C14orf93: variants seen among roughly 807,000 people sequenced by gnomAD.
C14orf93 encodes chromosome 14 open reading frame 93.
A neutral mutation model predicts 44.0 loss-of-function variants in C14orf93; 23 were observed. The observed-to-expected ratio is 0.52, with a 90% CI of 0.38 to 0.74. C14orf93 has a LOEUF of 0.74. Ranked by LOEUF, C14orf93 falls within the 30% of genes least tolerant of loss-of-function variation. The pLI is 0.00. For missense variants in C14orf93, 579 were observed against 678.9 expected (o/e 0.85, Z 1.64); for synonymous variants, 253 against 265.7 (o/e 0.95, Z 0.46).
chr14:22,995,913 C>T (rs2139582850), intron 3 of C14orf93, 35 bp downstream of exon 3: 1 of 1,526,986 alleles, frequency 6.5e-7, no homozygotes, highest in South Asian at 1.3e-5. Context: ...TCTCTCCAGA[C>T]TGAAGAAAAA....
intron 1 of C14orf93, among the ~76,000 whole-genome samples, chr14:23,004,339 G>A (rs2046520652): frequency 6.6e-6 from 1 of 151,340 alleles, no homozygotes; most frequent in African/African-American, 2.4e-5. Context: ...GCCTCCCGAA[G>A]AGCTGGGATT....
At position 22,996,027 on chromosome 14, in the gene C14orf93, AGAGAGTGTC is replaced by A; in HGVS notation, c.830_838del (p.Arg277_Leu280delinsIle). Reference sequence around the variant, plus strand: ...CCTGCATGGGGAAACGGTCAGCCCTAGAGAGTGTCTCAGCTCCCCAGTGCTCCCAGGGCC... The same window carrying A: ...CCTGCATGGGGAAACGGTCAGCCCTATCAGCTCCCCAGTGCTCCCAGGGCC... On this transcript the variant is annotated inframe_deletion, in exon 3 of 7. Coordinates refer to ENST00000299088, the MANE Select transcript of C14orf93 (RefSeq NM_021944.4). The surrounding 1 kb of genome is among the most constrained non-coding windows in gnomAD (Gnocchi z 4.1). 1 of 1,614,168 alleles carries A rather than the reference AGAGAGTGTC, an allele frequency of 6.2e-7. No homozygotes were observed. The highest frequency in any genetic ancestry group is 8.5e-7 in the Non-Finnish European group (1 of 1,180,018).
At chr14:23,006,631 C>T (rs2046630244) in intron 1 of C14orf93, 1 of 152,370 alleles carries the variant, frequency 6.6e-6, no homozygotes, top group Non-Finnish European at 1.5e-5. Flanking sequence ...GCTCCTAGAA[C>T]TCGTGCCAGC....
In C14orf93 at chr14:22,987,676, T is replaced by C; in HGVS notation, c.1198-42A>G. 8 of 1,526,282 alleles carry C rather than the reference T, an allele frequency of 5.2e-6. No individual in the cohort carries two copies. The highest frequency in any genetic ancestry group is 7.0e-6 in the Non-Finnish European group (8 of 1,138,738). 94.5% of individuals were successfully genotyped at this position (1,526,282 alleles called of 1,614,324 possible). ...GGAGATAGATTAGGAAGGTAAACAT[T>C]CTATGGATTAGATTTGGGGAAAAGG... On this transcript the variant is annotated intron_variant, in intron 6 of 6. Coordinates refer to ENST00000299088, the MANE Select transcript of C14orf93 (RefSeq NM_021944.4). The surrounding 1 kb of genome is among the most constrained non-coding windows in gnomAD (Gnocchi z 5.6).
At position 22,988,610 on chromosome 14, in the gene C14orf93, C is replaced by T. The variant is rs936471736; in HGVS notation, c.1085-595G>A. The stretch of plus-strand genomic sequence containing the variant: ...CCTCCAACTCCTGGGCTTAAGTGAT[C>T]GTCCAGCCTCAGCCTCCTGAGCAGC... On this transcript the variant is annotated intron_variant, in intron 5 of 6. Coordinates refer to ENST00000299088, the MANE Select transcript of C14orf93 (RefSeq NM_021944.4). Among the ~76,000 whole-genome samples, 3 of 152,168 alleles carry T rather than the reference C, an allele frequency of 2.0e-5. No individual in the cohort carries two copies. The East Asian group carries it at 5.8e-4, about 29-fold the overall frequency.
At chr14:23,005,938 G>C (rs753831839) in intron 1 of C14orf93, 5 of 152,064 alleles carry the variant, frequency 3.3e-5, no homozygotes, top group Non-Finnish European at 7.3e-5. Flanking sequence ...CCCATTCTGA[G>C]TTTGAATTTT....
intron 5 of C14orf93, 69 bp downstream of exon 5, chr14:22,989,673 G>T: frequency 9.0e-7 from 1 of 1,108,312 alleles, no homozygotes; most frequent in South Asian, 1.3e-5. Flanking sequence ...CTTCTCCTCT[G>T]ACCAAGAAAG....
chr14:22,987,166 C>T lies in C14orf93; in HGVS notation c.*49G>A, dbSNP rs756384571. 5 of 1,524,042 alleles carry T rather than the reference C, an allele frequency of 3.3e-6. No individual in the cohort carries two copies. Among genetic ancestry groups the T allele is most frequent in the Non-Finnish European group, 4.4e-6 (5 of 1,129,380 alleles). The allele number at this position is 1,524,042 out of a possible 1,614,324, so 94.4% of individuals were successfully genotyped here. ...TGTGAAGCCCCATGGCCACCTATTT[C>T]TGAGACATGGGGCATGGCGGAAGCC... On this transcript the variant is annotated 3_prime_UTR_variant, in exon 7 of 7. Coordinates refer to ENST00000299088, the MANE Select transcript of C14orf93 (RefSeq NM_021944.4). This position sits in a 1 kb window ranked among gnomAD's most constrained non-coding sequence, Gnocchi z 5.6.
At chr14:23,003,092 A>G (rs548194991) in intron 1 of C14orf93, among the ~76,000 whole-genome samples, 1 of 152,188 alleles carries the variant, frequency 6.6e-6, no homozygotes, top group South Asian at 2.1e-4. Flanking sequence ...TTTTAATGCT[A>G]AATGTATTTT....
chr14:22,998,612 G>C lies in C14orf93; in HGVS notation c.412C>G (p.Leu138Val), dbSNP rs748171284. The C allele has an allele frequency of 6.2e-7, 1 of 1,614,186 alleles. No individual in the cohort carries two copies. Among genetic ancestry groups the C allele is most frequent in the African/African-American group, 1.3e-5 (1 of 75,056 alleles). Residue 138 changes from leucine to valine, a missense_variant, in exon 2 of 7, where the codon CTG (leucine) becomes GTG (valine). By Grantham distance (32) the Leu-to-Val change is conservative. Transcript: ENST00000299088. ...TCACACTCCTCTTCCACGGCAGACA[G>C]AGCCTTAAAGGCTTCCCCGGGACTT... ...KESPGEAFKA[L>V]SAVEEECDSV...
chr14:22,998,408 C>T lies in C14orf93; in HGVS notation c.597+19G>A, dbSNP rs1315425865. ...AGGAAAAGCACCTAGGAGGAATAGC[C>T]CTCTGCTGCCATACTCACAGGATTG... On this transcript the variant is annotated intron_variant, in intron 2 of 6. Transcript: ENST00000299088. 6.6e-7 allele frequency: 1 copy of T among 1,507,632 alleles called. No individual in the cohort carries two copies. Among genetic ancestry groups the T allele is most frequent in the East Asian group, 2.4e-5 (1 of 42,420 alleles). The allele number at this position is 1,507,632 out of a possible 1,614,324, so 93.4% of individuals were successfully genotyped here.
chr14:22,991,540 G>A (rs181701296), intron 3 of C14orf93, among the ~76,000 whole-genome samples: 333 of 151,042 alleles, frequency 2.2e-3, no homozygotes, highest in Non-Finnish European at 3.7e-3. Context: ...CCACCGCACC[G>A]GGCCTGTTTA....
At chr14:23,006,522 A>C (rs2139814522) in intron 1 of C14orf93, 1 of 152,322 alleles carries the variant, frequency 6.6e-6, no homozygotes, top group South Asian at 2.1e-4. Flanking sequence ...CTTTTTATTT[A>C]CATTTGCTAA....
In C14orf93 at chr14:22,987,107, G is replaced by C; in HGVS notation, c.*108C>G. 8.1e-7 allele frequency: 1 copy of C among 1,240,000 alleles called. No individual in the cohort carries two copies. The highest frequency in any genetic ancestry group is 1.1e-6 in the Non-Finnish European group (1 of 909,078). 76.8% of individuals were successfully genotyped at this position (1,240,000 alleles called of 1,614,324 possible). On this transcript the variant is annotated 3_prime_UTR_variant, in exon 7 of 7. Coordinates refer to ENST00000299088, the MANE Select transcript of C14orf93 (RefSeq NM_021944.4). The surrounding 1 kb of genome is among the most constrained non-coding windows in gnomAD (Gnocchi z 5.6). ...CTGTGTTAAGAAAAGAGGCAAATTT[G>C]CTTTCTCAGACTGCACAGAGCATCT...
intron 1 of C14orf93, chr14:23,000,253 C>T (rs897675405): frequency 2.0e-5 from 3 of 151,990 alleles, no homozygotes; most frequent in Non-Finnish European, 4.4e-5. Context: ...TTGATTTGTA[C>T]CACTGAGAAC....
Position 22,986,610 on chromosome 14 carries a change from T to C in C14orf93, c.*605A>G, listed in dbSNP as rs2045238690. ...CTCTTTAAGCCTTAATTTCCTCATC[T>C]GTAAGATAGGAATAGTAAAATTTTC... On this transcript the variant is annotated 3_prime_UTR_variant, in exon 7 of 7. Coordinates refer to ENST00000299088, the MANE Select transcript of C14orf93 (RefSeq NM_021944.4). The C allele has an allele frequency of 6.5e-6, 1 of 153,592 alleles. No homozygotes were observed. The highest frequency in any genetic ancestry group is 6.4e-5 in the Admixed American group (1 of 15,586). 9.5% of individuals were successfully genotyped at this position (153,592 alleles called of 1,614,324 possible). A position where few individuals can be genotyped will look rare whatever the true frequency, so the allele number is the denominator to read the frequency against.
chr14:23,006,976 C>G (rs2046648344), intron 1 of C14orf93: 1 of 152,332 alleles, frequency 6.6e-6, no homozygotes, highest in African/African-American at 2.4e-5. Flanking sequence ...GCTTTGAGAA[C>G]TTGGGCTGAA....
intron 1 of C14orf93, chr14:23,005,634 CACA>C (rs1405858291): frequency 2.6e-5 from 4 of 152,118 alleles, no homozygotes; most frequent in African/African-American, 9.7e-5. Context: ...GCGTTGCCAA[CACA>C]ACATGACAGT....
intron 1 of C14orf93, among the ~76,000 whole-genome samples, chr14:23,004,730 C>A (rs1241214520): frequency 1.3e-5 from 2 of 151,996 alleles, no homozygotes; most frequent in East Asian, 3.9e-4. Context: ...ACCAGCCTGA[C>A]CAACATGGAG....
Sources: allele counts gnomAD v4.1 joint callset (sites outside exome capture counted in the v4.1 genomes callset), GRCh38; gene constraint gnomAD v4.1.1; non-coding constraint Gnocchi (gnomAD v3.1); transcripts MANE v1.5; gene names NCBI Gene and HGNC (gene_info 2026-07-23, HGNC 2026-07-21).